KLF9: variants seen among roughly 807,000 people sequenced by gnomAD.
The protein encoded by KLF9 is Krueppel-like factor 9.
KLF9 carries 2 observed loss-of-function variants against 17.3 expected under a neutral mutation model. The observed-to-expected ratio is 0.12, with a 90% CI of 0.05 to 0.36. KLF9 has a LOEUF of 0.36. Among genes scored for constraint, KLF9 ranks in the 10% least tolerant of loss-of-function variants. The pLI is 1.00. For synonymous variants in KLF9, 138 were observed against 139.2 expected, an observed-to-expected ratio of 0.99 and a Z score of 0.06; for missense variants, 226 against 333.2, an observed-to-expected ratio of 0.68 and a Z score of 2.51.
intron 1 of KLF9, among the ~76,000 whole-genome samples, chr9:70,399,966 A>T (rs1471521144): frequency 1.3e-5 from 2 of 152,256 alleles, no homozygotes; most frequent in African/African-American, 4.8e-5. Context: ...TGAGGGGCAG[A>T]AAAAGAGAAA....
At chr9:70,407,931 T>C (rs984003822) in intron 1 of KLF9, among the ~76,000 whole-genome samples, 1 of 152,216 alleles carries the variant, frequency 6.6e-6, no homozygotes, top group African/African-American at 2.4e-5. Context: ...ATCACTCCTA[T>C]TGCTGAGTGG....
chr9:70,399,479 A>T (rs963825704), intron 1 of KLF9, among the ~76,000 whole-genome samples: 3 of 152,242 alleles, frequency 2.0e-5, no homozygotes, highest in African/African-American at 7.2e-5. Flanking sequence ...CTACCTAGGC[A>T]TTAAATATTG....
chr9:70,397,768 C>T (rs184707979), intron 1 of KLF9, among the ~76,000 whole-genome samples: 2 of 152,124 alleles, frequency 1.3e-5, no homozygotes, highest in African/African-American at 2.4e-5. Context: ...GGGAATGCAT[C>T]CACATAGACC....
At chr9:70,411,037 GA>G (rs752309530) in intron 1 of KLF9, among the ~76,000 whole-genome samples, 6 of 152,190 alleles carry the variant, frequency 3.9e-5, no homozygotes, top group Admixed American at 1.3e-4. Flanking sequence ...AGGTTCTCCT[GA>G]AACAGCTGAG....
chr9:70,389,085 G>A (rs2037134743), intron 1 of KLF9, among the ~76,000 whole-genome samples: 1 of 151,778 alleles, frequency 6.6e-6, no homozygotes, highest in Non-Finnish European at 1.5e-5. Flanking sequence ...AGGTTGCAGT[G>A]AGCCAAGATC....
intron 1 of KLF9, among the ~76,000 whole-genome samples, chr9:70,408,899 C>T (rs1323888690): frequency 6.7e-6 from 1 of 149,666 alleles, no homozygotes; most frequent in Admixed American, 6.8e-5. Context: ...AGAATGTGTT[C>T]GAAGAGGCTA....
rs10780933 is a variant in KLF9 at position 70,409,172 on chromosome 9, A to G, written c.505+3687T>C. ...TATGTATATATATACACATATATGT[A>G]TATATATGTATACATATACATGTAT... On this transcript the variant is annotated intron_variant, in intron 1 of 1. Coordinates refer to ENST00000377126, the MANE Select transcript of KLF9 (RefSeq NM_001206.4). Among the ~76,000 whole-genome samples, 17 of 35,898 alleles carry G rather than the reference A, an allele frequency of 4.7e-4. 2 individuals carry two copies. Among genetic ancestry groups the G allele is most frequent in the Middle Eastern group, 0.014 (1 of 74 alleles). The allele number at this position is 35,898 out of a possible 152,430, so 23.6% of individuals were successfully genotyped here.
Position 70,385,431 on chromosome 9 carries a change from A to G in KLF9, c.*2345T>C, listed in dbSNP as rs992768207. The G allele has an allele frequency of 3.3e-5, 5 of 152,646 alleles. No individual in the cohort carries two copies. The highest frequency in any genetic ancestry group is 9.6e-5 in the African/African-American group (4 of 41,454). The allele number at this position is 152,646 out of a possible 1,614,324, so 9.5% of individuals were successfully genotyped here. On this transcript the variant is annotated 3_prime_UTR_variant, in exon 2 of 2. Transcript: ENST00000377126. The stretch of plus-strand genomic sequence containing the variant: ...AAAGGCAAGTAACAACTTTTTTGGG[A>G]AGTAAATTGTGCATTTTTTTAAAAC...
At position 70,386,750 on chromosome 9, in the gene KLF9, G is replaced by T. The variant is rs767677852; in HGVS notation, c.*1026C>A. 1.3e-5 allele frequency: 2 copies of T among 152,308 alleles called. No homozygotes were observed. The highest frequency in any genetic ancestry group is 6.5e-5 in the Admixed American group (1 of 15,290). 9.4% of individuals were successfully genotyped at this position (152,308 alleles called of 1,614,324 possible). A position where few individuals can be genotyped will look rare whatever the true frequency, so the allele number is the denominator to read the frequency against. On this transcript the variant is annotated 3_prime_UTR_variant, in exon 2 of 2. Coordinates refer to ENST00000377126, the MANE Select transcript of KLF9 (RefSeq NM_001206.4). The stretch of plus-strand genomic sequence containing the variant: ...TAAAAGCATAGGAAAATTTGGAAAA[G>T]TTAATAGAGTTAAAATTCTGTTGGT...
intron 1 of KLF9, among the ~76,000 whole-genome samples, chr9:70,405,281 T>G (rs1314014704): frequency 6.6e-6 from 1 of 152,200 alleles, no homozygotes; most frequent in Non-Finnish European, 1.5e-5. Flanking sequence ...GAGGCTCAGC[T>G]TGGAAAAATG....
At position 70,413,298 on chromosome 9, in the gene KLF9, A is replaced by G. The variant is rs143797951; in HGVS notation, c.66T>C (p.Ala22=). 2.0e-3 allele frequency: 3,144 copies of G among 1,609,512 alleles called. 67 individuals are homozygous for G. In the South Asian group the frequency reaches 0.032, roughly 16 times the overall value. The change falls in exon 1 of 2, where the codon GCT becomes GCC. Residue 22 remains alanine (A), a synonymous_variant. Transcript: ENST00000377126. The surrounding 1 kb of genome is among the most constrained non-coding windows in gnomAD (Gnocchi z 5.6). ...AQCLVSISNR[A]AVPEHGVAPD... is the part of the protein sequence containing the mutation. ...GAGCGACCCCATGCTCCGGCACCGC[A>G]GCGCGGTTCGAAATGGAAACCAGAC...
In KLF9 at chr9:70,386,800, A is replaced by G. The variant is rs1489931016; in HGVS notation, c.*976T>C. On this transcript the variant is annotated 3_prime_UTR_variant, in exon 2 of 2. Coordinates refer to ENST00000377126, the MANE Select transcript of KLF9 (RefSeq NM_001206.4). ...TTCTTTTCTTTTTCTTTTGCAAAAC[A>G]CTACCCTCCTTCTCCTTCAGCATCT... 2 of 152,312 alleles carry G rather than the reference A, an allele frequency of 1.3e-5. No homozygotes were observed. Among genetic ancestry groups the G allele is most frequent in the Non-Finnish European group, 2.9e-5 (2 of 68,046 alleles). The allele number at this position is 152,312 out of a possible 1,614,324, so 9.4% of individuals were successfully genotyped here.
At chr9:70,407,399 C>T (rs2037263226) in intron 1 of KLF9, among the ~76,000 whole-genome samples, 1 of 152,178 alleles carries the variant, frequency 6.6e-6, no homozygotes, top group Non-Finnish European at 1.5e-5. Flanking sequence ...CTGGTACCTC[C>T]CTCTCTCACC....
In KLF9 at chr9:70,414,423, ATGTC is replaced by A. The variant is rs2037362839; in HGVS notation, c.-1064_-1061del. ...CTTCCAATCAAAAGTAAGTTGGTTG[ATGTC>A]ACTGGCATTGGCTCGGCCAATCACA... is the stretch of plus-strand genomic sequence containing the variant. On this transcript the variant is annotated 5_prime_UTR_variant, in exon 1 of 2. It removes the in-frame stop codon of an upstream open reading frame in the 5' UTR. Transcript: ENST00000377126. 6.6e-6 allele frequency: 1 copy of A among 152,234 alleles called. No homozygotes were observed. The highest frequency in any genetic ancestry group is 2.1e-4 in the South Asian group (1 of 4,836). The allele number at this position is 152,234 out of a possible 1,614,324, so 9.4% of individuals were successfully genotyped here.
intron 1 of KLF9, 132 bp downstream of exon 1, chr9:70,412,727 G>C: frequency 5.9e-6 from 5 of 854,536 alleles, no homozygotes. Context: ...ATTATTTAAA[G>C]AGTTAAACCG....
chr9:70,413,436 C>T lies in KLF9; in HGVS notation c.-73G>A, dbSNP rs964037675. ...CTGCGGAGGTTCGGCTCGCCCTGCCCTGGCCTCGGACGACGAGCGCGGCGC... is the reference window on the plus strand; with the variant it reads ...CTGCGGAGGTTCGGCTCGCCCTGCCTTGGCCTCGGACGACGAGCGCGGCGC... On this transcript the variant is annotated 5_prime_UTR_variant, in exon 1 of 2. Coordinates refer to ENST00000377126, the MANE Select transcript of KLF9 (RefSeq NM_001206.4). The surrounding 1 kb of genome is among the most constrained non-coding windows in gnomAD (Gnocchi z 5.6). 2.2e-6 allele frequency: 3 copies of T among 1,342,154 alleles called. No homozygotes were observed. The highest frequency in any genetic ancestry group is 3.1e-5 in the African/African-American group (2 of 65,122). The allele number at this position is 1,342,154 out of a possible 1,614,324, so 83.1% of individuals were successfully genotyped here.
At chr9:70,401,045 G>C (rs953733912) in intron 1 of KLF9, among the ~76,000 whole-genome samples, 1 of 151,784 alleles carries the variant, frequency 6.6e-6, no homozygotes, top group Non-Finnish European at 1.5e-5. Context: ...GAAATGCCTC[G>C]GGTTAGGCTG....
Position 70,413,078 on chromosome 9 carries a change from C to T in KLF9, c.286G>A (p.Asp96Asn). The T allele has an allele frequency of 6.2e-7, 1 of 1,614,048 alleles. No homozygotes were observed. Among genetic ancestry groups the T allele is most frequent in the Non-Finnish European group, 8.5e-7 (1 of 1,179,970 alleles). The stretch of plus-strand genomic sequence containing the variant: ...CCAGATTCGGTGGTCACGTCGCTGT[C>T]GGATCCCATATCCTCATCTGGACTT... ...LESPDEDMGS[D>N]SDVTTESGSS... Residue 96 changes from aspartate to asparagine, a missense_variant, in exon 1 of 2, where the codon GAC (aspartate) becomes AAC (asparagine). Coordinates refer to ENST00000377126, the MANE Select transcript of KLF9 (RefSeq NM_001206.4). This position sits in a 1 kb window ranked among gnomAD's most constrained non-coding sequence, Gnocchi z 5.6.
chr9:70,395,777 C>T (rs1290310699), intron 1 of KLF9, among the ~76,000 whole-genome samples: 1 of 151,940 alleles, frequency 6.6e-6, no homozygotes, highest in Admixed American at 6.6e-5. Flanking sequence ...AACCTCATCT[C>T]TACTAAAAAT....
Sources: allele counts gnomAD v4.1 joint callset (sites outside exome capture counted in the v4.1 genomes callset), GRCh38; gene constraint gnomAD v4.1.1; non-coding constraint Gnocchi (gnomAD v3.1); transcripts MANE v1.5; gene names NCBI Gene and HGNC (gene_info 2026-07-23, HGNC 2026-07-21).